SOX5: variants seen among roughly 807,000 people sequenced by gnomAD.
SOX5 encodes the protein SRY-box transcription factor 5.
Under a neutral mutation model 92.0 loss-of-function variants are expected in SOX5, and 9 were observed. That is an observed-to-expected ratio of 0.10 (90% CI 0.06 to 0.17). The LOEUF (loss-of-function observed/expected upper bound fraction) is 0.17. Among genes scored for constraint, SOX5 ranks in the 10% least tolerant of loss-of-function variants. The pLI is 1.00. For missense variants in SOX5, 642 were observed against 944.5 expected (o/e 0.68, Z 4.20); for synonymous variants, 344 against 336.3 (o/e 1.02, Z -0.25).
At chr12:24,471,042 A>G (rs1479773780) in intron 1 of SOX5, among the ~76,000 whole-genome samples, 1 of 152,178 alleles carries the variant, frequency 6.6e-6, no homozygotes, top group African/African-American at 2.4e-5. Context: ...AATAATCAGT[A>G]AGTCTCATTG....
intron 1 of SOX5, among the ~76,000 whole-genome samples, chr12:23,899,818 A>T (rs1455871892): frequency 6.6e-6 from 1 of 152,210 alleles, no homozygotes; most frequent in African/African-American, 2.4e-5. Context: ...GGGAATAAAA[A>T]ACCTATTTCT....
At chr12:24,181,397 T>G (rs939282034) in intron 4 of SOX5, among the ~76,000 whole-genome samples, 1 of 152,210 alleles carries the variant, frequency 6.6e-6, no homozygotes, top group Admixed American at 6.6e-5. Context: ...CAGGCTAAAA[T>G]AAATACATCT....
At position 23,660,704 on chromosome 12, in the gene SOX5, TAA is replaced by T. The variant is rs34663379; in HGVS notation, c.931+4738_931+4739del. On this transcript the variant is annotated intron_variant, in intron 7 of 14. Coordinates refer to ENST00000451604, the MANE Select transcript of SOX5 (RefSeq NM_006940.6). ...AGGTGAAAGACAATAACTTCCAGGT[TAA>T]AAAAAAAAAATCACAGTAATTTTTA... Among the ~76,000 whole-genome samples, 1,027 of 148,788 alleles carry T rather than the reference TAA, an allele frequency of 6.9e-3. 5 individuals are homozygous for T. The highest frequency in any genetic ancestry group is 0.018 in the South Asian group (86 of 4,708).
At position 24,459,095 on chromosome 12, in the gene SOX5, G is replaced by A. The variant is rs141024940; in HGVS notation, c.-250-90456C>T. The stretch of plus-strand genomic sequence containing the variant: ...CATCCAAATAGGGATGATTGTTTCC[G>A]TTCCCCCTCTCCCTAATCCCAACTC... On this transcript the variant is annotated intron_variant, in intron 1 of 4. Transcript: ENST00000446891. Among the ~76,000 whole-genome samples the A allele has an allele frequency of 6.6e-5, 10 of 152,220 alleles. No individual in the cohort carries two copies. The South Asian group carries it at 8.3e-4, about 13-fold the overall frequency.
chr12:24,186,969 A>G (rs149116118), intron 4 of SOX5, among the ~76,000 whole-genome samples: 165 of 152,310 alleles, frequency 1.1e-3, no homozygotes, highest in African/African-American at 3.9e-3. Flanking sequence ...GAAAATGTCA[A>G]TGAAATTCTG....
intron 6 of SOX5, among the ~76,000 whole-genome samples, chr12:23,667,703 G>A (rs1482739296): frequency 2.6e-5 from 4 of 152,074 alleles, no homozygotes; most frequent in Non-Finnish European, 5.9e-5. Context: ...ACTGAAAGAG[G>A]AACTACAAGG....
At position 23,832,064 on chromosome 12, in the gene SOX5, C is replaced by T. The variant is rs79511963; in HGVS notation, c.481+13919G>A. ...GTGATGGGGCAGGGGGAATAAACCACGTAAAGGAAAGCTAAAATCTTAGAA... is the reference window on the plus strand; with the variant it reads ...GTGATGGGGCAGGGGGAATAAACCATGTAAAGGAAAGCTAAAATCTTAGAA... On this transcript the variant is annotated intron_variant, in intron 3 of 14. Coordinates refer to ENST00000451604, the MANE Select transcript of SOX5 (RefSeq NM_006940.6). Among the ~76,000 whole-genome samples the T allele has an allele frequency of 5.5e-3, 840 of 151,600 alleles. 3 individuals carry two copies. Among genetic ancestry groups the T allele is most frequent in the Non-Finnish European group, 8.6e-3 (584 of 67,864 alleles).
intron 9 of SOX5, among the ~76,000 whole-genome samples, chr12:23,579,419 A>G (rs1185112173): frequency 6.6e-6 from 1 of 152,212 alleles, no homozygotes; most frequent in Admixed American, 6.5e-5. Flanking sequence ...TGGTAACTGT[A>G]TAAATAATTT....
At chr12:24,484,240 T>C (rs1017836740) in intron 1 of SOX5, among the ~76,000 whole-genome samples, 1 of 152,186 alleles carries the variant, frequency 6.6e-6, no homozygotes, top group African/African-American at 2.4e-5. Context: ...TTGTCTCTGA[T>C]TGTTTCCATT....
chr12:23,534,304 T>A lies in SOX5; in HGVS notation c.2207A>T (p.Tyr736Phe). Residue 736 changes from tyrosine (Y) to phenylalanine (F), a missense_variant, in exon 15 of 15, where the codon TAT becomes TTT. This residue lies in a region of SOX5 where 130 missense variants were observed against 140.6 expected (regional missense o/e 0.92). Coordinates refer to ENST00000451604, the MANE Select transcript of SOX5 (RefSeq NM_006940.6). ...IQAEDINGEI[Y>F]DEYDEEEDDP... ...ATCCTCTTCCTCGTCGTACTCATCA[T>A]AAATTTCTCCATTGATGTCCTCGGC... is the stretch of plus-strand genomic sequence containing the variant. 1.2e-6 allele frequency: 2 copies of A among 1,614,118 alleles called. No individual in the cohort carries two copies. The highest frequency in any genetic ancestry group is 1.7e-6 in the Non-Finnish European group (2 of 1,179,958).
intron 1 of SOX5, among the ~76,000 whole-genome samples, chr12:24,428,758 A>T (rs1035977469): frequency 3.3e-5 from 4 of 121,528 alleles, no homozygotes; most frequent in African/African-American, 1.2e-4. Flanking sequence ...AAAAAAAAAA[A>T]AGCTAATTTC....
chr12:23,868,944 A>C (rs1183616308), intron 2 of SOX5, among the ~76,000 whole-genome samples: 1 of 152,148 alleles, frequency 6.6e-6, no homozygotes, highest in Non-Finnish European at 1.5e-5. Flanking sequence ...ATAGCATTCA[A>C]GGCCCCCCAG....
chr12:23,772,527 G>A (rs1463049130), intron 3 of SOX5, among the ~76,000 whole-genome samples: 1 of 152,150 alleles, frequency 6.6e-6, no homozygotes, highest in Non-Finnish European at 1.5e-5. Flanking sequence ...TCTCTCAAAT[G>A]CGCAATGAAA....
chr12:24,166,397 T>C (rs1953411254), intron 4 of SOX5, among the ~76,000 whole-genome samples: 1 of 152,194 alleles, frequency 6.6e-6, no homozygotes, highest in South Asian at 2.1e-4. Flanking sequence ...TATAAATGTG[T>C]GTGTCATTAG....
At chr12:23,753,415 T>G (rs1054046709) in intron 4 of SOX5, among the ~76,000 whole-genome samples, 1 of 151,696 alleles carries the variant, frequency 6.6e-6, no homozygotes, top group Non-Finnish European at 1.5e-5. Flanking sequence ...GCAAACTGGC[T>G]AATATAAATG....
chr12:24,034,243 C>T (rs181641375), intron 4 of SOX5, among the ~76,000 whole-genome samples: 72 of 152,014 alleles, frequency 4.7e-4, no homozygotes, highest in African/African-American at 1.6e-3. Context: ...CCAAAGCTCC[C>T]TTCTCTCTCA....
chr12:23,680,468 C>T (rs1401860196), intron 6 of SOX5, among the ~76,000 whole-genome samples: 1 of 148,812 alleles, frequency 6.7e-6, no homozygotes, highest in South Asian at 2.1e-4. Flanking sequence ...TCCACAGAGA[C>T]AGAAAGATGG....
chr12:23,921,382 T>TA (rs549366167), intron 1 of SOX5, among the ~76,000 whole-genome samples: 13,898 of 141,874 alleles, frequency 0.098, 659 homozygotes, highest in Middle Eastern at 0.15. Flanking sequence ...ATATGATCTT[T>TA]AAAAAAAAAA....
intron 6 of SOX5, among the ~76,000 whole-genome samples, chr12:23,702,483 G>T (rs1382465260): frequency 1.3e-5 from 2 of 151,966 alleles, no homozygotes; most frequent in Non-Finnish European, 2.9e-5. Context: ...TAAAACTAGA[G>T]AAACCATATT....
Sources: allele counts gnomAD v4.1 joint callset (sites outside exome capture counted in the v4.1 genomes callset), GRCh38; gene constraint gnomAD v4.1.1; regional missense constraint gnomAD v4.1.1; transcripts MANE v1.5; gene names NCBI Gene and HGNC (gene_info 2026-07-23, HGNC 2026-07-21).